Variants in MYOCD observed in about 807,000 individuals in gnomAD.
MYOCD encodes myocardin.
In MYOCD, 32 loss-of-function variants were observed where a neutral mutation model predicts 96.1. The ratio of observed to expected loss-of-function variants is 0.33; its 90% CI spans 0.25 to 0.45. MYOCD has a LOEUF of 0.45. Ranked by LOEUF, MYOCD falls within the 20% of genes least tolerant of loss-of-function variation. MYOCD has a pLI of 1.00. For missense variants in MYOCD, 1,133 were observed against 1,200.6 expected (o/e 0.94, Z 0.83); for synonymous variants, 469 against 469.0 (o/e 1.00, Z 0.00).
chr17:12,763,634 A>T lies in MYOCD; in HGVS notation c.2951A>T (p.Gln984Leu), dbSNP rs766931769. The part of the protein sequence containing the change: ...NLNSSMDLHL[Q>L]QW ...AATTCTTCCATGGACCTTCACTTGC[A>T]GCAGTGGTAGAATGCCCAATGCACC... Residue 984 changes from glutamine (Q) to leucine (L), a missense_variant, in exon 14 of 14, where the codon CAG becomes CTG. Coordinates refer to ENST00000425538, the MANE Select transcript of MYOCD (RefSeq NM_001146312.3). 16 of 1,609,054 alleles carry T rather than the reference A, an allele frequency of 9.9e-6. No homozygotes were observed. The South Asian group carries it at 1.6e-4, about 16-fold the overall frequency.
intron 5 of MYOCD, among the ~76,000 whole-genome samples, chr17:12,728,477 T>G (rs1567589010): frequency 6.6e-6 from 1 of 152,038 alleles, no homozygotes; most frequent in Non-Finnish European, 1.5e-5. Flanking sequence ...TGAGTCAGGT[T>G]TTTTTGTTGT....
intron 5 of MYOCD, 96 bp from the exon 6 acceptor site, chr17:12,736,065 T>C: frequency 2.2e-6 from 2 of 928,202 alleles, no homozygotes; most frequent in Non-Finnish European, 3.4e-6. Context: ...GAGAGAGAGG[T>C]GTATTTTTAA....
chr17:12,687,738 A>ATT (rs1459198593), intron 1 of MYOCD, among the ~76,000 whole-genome samples: 2 of 152,214 alleles, frequency 1.3e-5, no homozygotes, highest in Non-Finnish European at 2.9e-5. Context: ...TGCAGCAAGT[A>ATT]GGGGGCACAA....
chr17:12,680,937 C>T (rs75693800), intron 1 of MYOCD, among the ~76,000 whole-genome samples: 21 of 152,284 alleles, frequency 1.4e-4, no homozygotes, highest in African/African-American at 5.1e-4. Flanking sequence ...CAAGAACTAT[C>T]TGATGCTCAC....
chr17:12,700,617 T>C (rs12103583), intron 1 of MYOCD, among the ~76,000 whole-genome samples: 1 of 151,076 alleles, frequency 6.6e-6, no homozygotes, highest in East Asian at 1.9e-4. Flanking sequence ...GGTTTCACCA[T>C]TTTGGCCAGA....
chr17:12,723,774 C>T (rs1218078272), intron 5 of MYOCD, among the ~76,000 whole-genome samples: 3 of 152,104 alleles, frequency 2.0e-5, no homozygotes, highest in Non-Finnish European at 4.4e-5. Flanking sequence ...CCAGCTATGC[C>T]GCAATCCGCT....
intron 7 of MYOCD, among the ~76,000 whole-genome samples, chr17:12,740,135 C>T (rs1298810405): frequency 3.3e-5 from 5 of 152,186 alleles, no homozygotes; most frequent in Non-Finnish European, 4.4e-5. Flanking sequence ...TGGGGTTTCA[C>T]TGTGTTAGCC....
intron 7 of MYOCD, among the ~76,000 whole-genome samples, chr17:12,740,226 C>T (rs1005898609): frequency 2.0e-5 from 3 of 152,146 alleles, no homozygotes; most frequent in Non-Finnish European, 2.9e-5. Flanking sequence ...TGAGCCACTG[C>T]GCCCGGCCCT....
rs150461762 is a variant in MYOCD, at chr17:12,677,096, T to C, written c.55+10853T>C. Among the ~76,000 whole-genome samples, 206 of 152,300 alleles carry C rather than the reference T, an allele frequency of 1.4e-3. 2 individuals are homozygous for C. The highest frequency in any genetic ancestry group is 1.6e-3 in the Non-Finnish European group (112 of 68,028). ...ATAAAAAAGAACGAGATCATGTCCT[T>C]TGCAGGGACATGGTTGGAGCTGGAG... On this transcript the variant is annotated intron_variant, in intron 1 of 13. Coordinates refer to ENST00000425538, the MANE Select transcript of MYOCD (RefSeq NM_001146312.3).
chr17:12,712,896 G>T (rs1205170920), intron 2 of MYOCD, among the ~76,000 whole-genome samples: 1 of 152,130 alleles, frequency 6.6e-6, no homozygotes, highest in African/African-American at 2.4e-5. Flanking sequence ...AGCAGAAGTG[G>T]TTTTTTGTGT....
chr17:12,698,834 C>T (rs936834407), intron 1 of MYOCD, among the ~76,000 whole-genome samples: 9 of 149,242 alleles, frequency 6.0e-5, no homozygotes, highest in East Asian at 4.0e-4. Flanking sequence ...GCTCCGCCTC[C>T]CCGGTTCACG....
intron 5 of MYOCD, among the ~76,000 whole-genome samples, chr17:12,735,261 G>A (rs1047816587): frequency 6.6e-5 from 10 of 152,184 alleles, no homozygotes; most frequent in Admixed American, 2.6e-4. Flanking sequence ...CCCTGGACTC[G>A]GGTCAGGAGA....
chr17:12,739,340 T>C lies in MYOCD; in HGVS notation c.717+12T>C, dbSNP rs901427951. 1.4e-5 allele frequency: 21 copies of C among 1,544,120 alleles called. No homozygotes were observed. Among genetic ancestry groups the C allele is most frequent in the Middle Eastern group, 1.7e-4 (1 of 5,782 alleles). ...ATGCTGCTGTAAAGGTACGGACACA[T>C]CAGCCTCCAAGCCCTGCCTGAGCGC... is the stretch of plus-strand genomic sequence containing the variant. On this transcript the variant is annotated intron_variant, in intron 7 of 13. Coordinates refer to ENST00000425538, the MANE Select transcript of MYOCD (RefSeq NM_001146312.3).
intron 2 of MYOCD, among the ~76,000 whole-genome samples, chr17:12,710,324 G>A (rs889620686): frequency 1.3e-5 from 2 of 152,162 alleles, no homozygotes; most frequent in Non-Finnish European, 2.9e-5. Context: ...GTGGACTTGA[G>A]AGGACACGGG....
chr17:12,714,722 T>TGA (rs1480680723), intron 2 of MYOCD, among the ~76,000 whole-genome samples: 7 of 152,152 alleles, frequency 4.6e-5, no homozygotes, highest in African/African-American at 7.2e-5. Context: ...GAGGAGGTCA[T>TGA]GGGAAGAGAG....
chr17:12,758,184 C>T lies in MYOCD; in HGVS notation c.2302C>T (p.Pro768Ser), dbSNP rs748200406. ...TTCAGCAATTTCAGAGGTAACACAG[C>T]CTCCATCCTATGAAGATGCCGTAAA... is the stretch of plus-strand genomic sequence containing the variant. ...SSSAISEVTQ[P>S]PSYEDAVKQQ... Residue 768 changes from proline (P) to serine (S), a missense_variant, in exon 12 of 14, where the codon CCT (proline) becomes TCT (serine). Transcript: ENST00000425538. The T allele has an allele frequency of 6.2e-7, 1 of 1,614,058 alleles. No individual in the cohort carries two copies. The highest frequency in any genetic ancestry group is 1.1e-5 in the South Asian group (1 of 91,080).
chr17:12,685,638 A>T (rs2030078475), intron 1 of MYOCD, among the ~76,000 whole-genome samples: 1 of 152,150 alleles, frequency 6.6e-6, no homozygotes, highest in African/African-American at 2.4e-5. Flanking sequence ...TTATTGGTCA[A>T]GAATACCCTT....
chr17:12,676,245 GCACA>G (rs36211306), intron 1 of MYOCD, among the ~76,000 whole-genome samples: 50,189 of 144,672 alleles, frequency 0.35, 9,332 homozygotes, highest in East Asian at 0.44. Flanking sequence ...GCGCGCGCAC[GCACA>G]CACACACACA....
intron 1 of MYOCD, among the ~76,000 whole-genome samples, chr17:12,697,984 A>G (rs2030861971): frequency 6.6e-6 from 1 of 152,202 alleles, no homozygotes; most frequent in Non-Finnish European, 1.5e-5. Flanking sequence ...GGGATATCAT[A>G]ATCAAAGGCA....
Sources: gnomAD v4.1 joint callset for allele counts (sites outside exome capture counted in the v4.1 genomes callset) on GRCh38, gnomAD v4.1.1 for gene constraint, MANE v1.5 for transcripts, NCBI Gene and HGNC (gene_info 2026-07-23, HGNC 2026-07-21) for gene names.